ROBO1: variants seen among roughly 807,000 people sequenced by gnomAD.
The protein encoded by ROBO1 is roundabout homolog 1.
Under a neutral mutation model 195.9 loss-of-function variants are expected in ROBO1, and 149 were observed. The ratio of observed to expected loss-of-function variants is 0.76; its 90% CI spans 0.67 to 0.87. ROBO1 has a LOEUF of 0.87. ROBO1 is among the 40% of genes least tolerant of loss of function. The probability of loss-of-function intolerance (pLI) is 0.00; values close to 1 mark genes in which losing one functional copy is unlikely to be tolerated. For synonymous variants in ROBO1, 816 were observed against 733.2 expected (o/e 1.11, Z -1.82); for missense variants, 1,933 against 2,068.3 (o/e 0.93, Z 1.27).
rs140833067 is a variant in ROBO1 at position 79,534,371 on chromosome 3, T to C, written c.88+55453A>G. 5.3e-5 allele frequency among the ~76,000 whole-genome samples: 8 copies of C among 152,082 alleles called. No homozygotes were observed. In the East Asian group the frequency reaches 1.4e-3, roughly 26 times the overall value. ...TGCGACCATTTCTATGTAGAGAGCA[T>C]AGTTGTCGCTGTCTAGCCTAAATTT... On this transcript the variant is annotated intron_variant, in intron 2 of 30. Coordinates refer to ENST00000464233, the MANE Select transcript of ROBO1 (RefSeq NM_002941.4).
intron 1 of ROBO1, among the ~76,000 whole-genome samples, chr3:79,667,400 C>T (rs2106874630): frequency 6.6e-6 from 1 of 151,784 alleles, no homozygotes; most frequent in Non-Finnish European, 1.5e-5. Flanking sequence ...ATTTAATATA[C>T]ATTGTTATAT....
At chr3:79,548,269 T>C (rs1246099964) in intron 2 of ROBO1, among the ~76,000 whole-genome samples, 3 of 152,200 alleles carry the variant, frequency 2.0e-5, no homozygotes, top group Admixed American at 6.5e-5. Context: ...AGGTATATCA[T>C]TGATCCTTTT....
intron 1 of ROBO1, among the ~76,000 whole-genome samples, chr3:79,640,181 T>A (rs936970535): frequency 1.3e-5 from 2 of 152,148 alleles, no homozygotes; most frequent in Non-Finnish European, 2.9e-5. Context: ...GAAATTTGAG[T>A]TGAAGCTACC....
intron 11 of ROBO1, among the ~76,000 whole-genome samples, chr3:78,669,067 T>G (rs1707904633): frequency 6.6e-6 from 1 of 152,078 alleles, no homozygotes; most frequent in Admixed American, 6.6e-5. Flanking sequence ...CTTTTCCGGG[T>G]TTTAAAACTT....
intron 2 of ROBO1, among the ~76,000 whole-genome samples, chr3:79,408,555 A>G (rs983571741): frequency 1.3e-5 from 2 of 152,136 alleles, no homozygotes; most frequent in African/African-American, 4.8e-5. Flanking sequence ...CTATAAAAAC[A>G]GGATTTGAAA....
chr3:78,995,160 G>A (rs2077331933), intron 3 of ROBO1, among the ~76,000 whole-genome samples: 1 of 152,136 alleles, frequency 6.6e-6, no homozygotes, highest in African/African-American at 2.4e-5. Context: ...TCAAAGTTGG[G>A]TAACTGATGA....
At chr3:79,442,939 A>T (rs1296212879) in intron 2 of ROBO1, among the ~76,000 whole-genome samples, 1 of 152,204 alleles carries the variant, frequency 6.6e-6, no homozygotes, top group Non-Finnish European at 1.5e-5. Flanking sequence ...CTCAAAACTC[A>T]TCTCAATACC....
intron 27 of ROBO1, 86 bp downstream of exon 27, chr3:78,617,549 G>A: frequency 7.4e-7 from 1 of 1,357,162 alleles, no homozygotes; most frequent in Non-Finnish European, 1.0e-6. Flanking sequence ...TTTCAAATAG[G>A]ACGTAAGATC....
intron 2 of ROBO1, among the ~76,000 whole-genome samples, chr3:79,561,180 T>C (rs1423634809): frequency 2.6e-5 from 4 of 152,180 alleles, no homozygotes; most frequent in Admixed American, 6.6e-5. Flanking sequence ...ACTAAAACAC[T>C]ATCTTAAAGA....
At chr3:78,817,814 A>G (rs2030294261) in intron 4 of ROBO1, among the ~76,000 whole-genome samples, 1 of 152,202 alleles carries the variant, frequency 6.6e-6, no homozygotes, top group Non-Finnish European at 1.5e-5. Flanking sequence ...CATAGTTCCA[A>G]CTACCGTGGT....
chr3:79,069,913 TA>T (rs1553675440), intron 3 of ROBO1, among the ~76,000 whole-genome samples: 1 of 151,934 alleles, frequency 6.6e-6, no homozygotes, highest in Non-Finnish European at 1.5e-5. Context: ...TTCTATTCAT[TA>T]TGTTTTTTCT....
At chr3:79,700,315 G>GTT (rs71630133) in intron 1 of ROBO1, among the ~76,000 whole-genome samples, 107 of 97,200 alleles carry the variant, frequency 1.1e-3, no homozygotes, top group Admixed American at 3.8e-3. Flanking sequence ...GTGTGTGTGT[G>GTT]TTTGTGTGTG....
At chr3:78,931,898 C>A (rs1325726230) in intron 4 of ROBO1, among the ~76,000 whole-genome samples, 2 of 152,088 alleles carry the variant, frequency 1.3e-5, no homozygotes, top group African/African-American at 4.8e-5. Context: ...ATCGCTTGAG[C>A]CCAGGAAGTT....
At chr3:79,356,131 A>G (rs2035545576) in intron 2 of ROBO1, among the ~76,000 whole-genome samples, 1 of 152,192 alleles carries the variant, frequency 6.6e-6, no homozygotes, top group African/African-American at 2.4e-5. Flanking sequence ...ACTTGAAGCC[A>G]GAAGTTCCAG....
intron 2 of ROBO1, among the ~76,000 whole-genome samples, chr3:79,189,105 G>GT (rs1346108791): frequency 2.0e-5 from 3 of 151,876 alleles, no homozygotes; most frequent in South Asian, 4.1e-4. Flanking sequence ...CCAGTTTATA[G>GT]TATTTGTTGT....
intron 4 of ROBO1, among the ~76,000 whole-genome samples, chr3:78,859,637 G>T (rs2034663629): frequency 1.3e-5 from 2 of 152,186 alleles, no homozygotes; most frequent in East Asian, 1.9e-4. Flanking sequence ...TCTCCAAGAT[G>T]GTGACAGACA....
chr3:79,670,667 T>G (rs565911123), intron 1 of ROBO1, among the ~76,000 whole-genome samples: 2 of 151,912 alleles, frequency 1.3e-5, no homozygotes, highest in East Asian at 3.9e-4. Flanking sequence ...AGGTAAACAT[T>G]GGCATTTTTC....
At chr3:78,768,484 C>A (rs570387627) in intron 4 of ROBO1, among the ~76,000 whole-genome samples, 1 of 152,028 alleles carries the variant, frequency 6.6e-6, no homozygotes, top group Non-Finnish European at 1.5e-5. Flanking sequence ...AAAATACATT[C>A]ATGACAATTT....
chr3:79,141,927 C>G (rs769477279), intron 2 of ROBO1, among the ~76,000 whole-genome samples: 1 of 151,688 alleles, frequency 6.6e-6, no homozygotes, highest in South Asian at 2.1e-4. Flanking sequence ...TGTTTTCCTG[C>G]GTATTATTTG....
Sources: gnomAD v4.1 joint callset for allele counts (sites outside exome capture counted in the v4.1 genomes callset) on GRCh38, gnomAD v4.1.1 for gene constraint, MANE v1.5 for transcripts, NCBI Gene and HGNC (gene_info 2026-07-23, HGNC 2026-07-21) for gene names.